The following CLIC2 variants were observed in gnomAD, a reference collection of about 807,000 sequenced individuals.
CLIC2 encodes the protein chloride intracellular channel protein 2.
A neutral mutation model predicts 14.8 loss-of-function variants in CLIC2; 9 were observed. The observed-to-expected ratio is 0.61, with a 90% CI of 0.37 to 1.06. The LOEUF is 1.06. CLIC2 is among the 50% of genes least tolerant of loss of function. The pLI is 0.01. For missense variants in CLIC2, 148 were observed against 181.4 expected, an observed-to-expected ratio of 0.82 and a Z score of 1.06; for synonymous variants, 61 against 66.3, an observed-to-expected ratio of 0.92 and a Z score of 0.39.
rs1304768682 is a variant in CLIC2, at chrX:155,280,986, G to T, written c.294-918C>A. 4.7e-5 allele frequency among the ~76,000 whole-genome samples: 3 copies of T among 64,195 alleles called. 1 individual carries two copies. In the Admixed American group the frequency reaches 5.4e-4, roughly 11 times the overall value. 55.7% of individuals were successfully genotyped at this position (64,195 alleles called of 115,157 possible). On this transcript the variant is annotated intron_variant, in intron 3 of 5. Transcript: ENST00000369449. The stretch of plus-strand genomic sequence containing the variant: ...CAACAGATGAATGGATATAGAAATT[G>T]TGAGATATATATATATATATATATA...
intron 1 of CLIC2, among the ~76,000 whole-genome samples, chrX:155,308,949 CAAAT>C (rs1202359877): frequency 4.6e-4 from 51 of 111,376 alleles, no homozygotes; most frequent in African/African-American, 1.7e-3. Flanking sequence ...AGGTTAATGA[CAAAT>C]AAGTAATCAC....
At chrX:155,293,078 G>C (rs1490131891) in intron 3 of CLIC2, 12 of 618,256 alleles carry the variant, frequency 1.9e-5, no homozygotes, top group Admixed American at 1.3e-4. Flanking sequence ...GCTCTAGACA[G>C]TGACGGTGAT....
chrX:155,332,086 T>G (rs951696614), intron 1 of CLIC2, among the ~76,000 whole-genome samples: 100 of 111,667 alleles, frequency 9.0e-4, no homozygotes, highest in African/African-American at 3.0e-3. Context: ...ATCCCTACAC[T>G]TAGAGAAAAT....
At chrX:155,308,159 A>C (rs2075062206) in intron 1 of CLIC2, among the ~76,000 whole-genome samples, 2 of 110,257 alleles carry the variant, frequency 1.8e-5, no homozygotes, top group Admixed American at 9.7e-5. Flanking sequence ...GAAACTAAAA[A>C]AAAATTGAGA....
At chrX:155,327,300 G>A (rs1415730729) in intron 1 of CLIC2, among the ~76,000 whole-genome samples, 1 of 110,898 alleles carries the variant, frequency 9.0e-6, no homozygotes, top group African/African-American at 3.3e-5. Flanking sequence ...ATGGCAAAAA[G>A]CGCAATTAAT....
At chrX:155,278,389 C>T (rs781920158) in intron 5 of CLIC2, among the ~76,000 whole-genome samples, 2 of 111,668 alleles carry the variant, frequency 1.8e-5, no homozygotes, top group African/African-American at 6.5e-5. Flanking sequence ...TCTTTCTTTA[C>T]ATATTCTCTG....
At chrX:155,305,690 AT>A (rs782725603) in intron 1 of CLIC2, among the ~76,000 whole-genome samples, 319 of 112,061 alleles carry the variant, frequency 2.8e-3, no homozygotes, top group African/African-American at 0.01. Flanking sequence ...ACAGTTTTTA[AT>A]TTTTTTATGA....
intron 3 of CLIC2, among the ~76,000 whole-genome samples, chrX:155,290,170 G>T (rs782048854): frequency 8.9e-6 from 1 of 112,031 alleles, no homozygotes; most frequent in African/African-American, 3.2e-5. Context: ...CTAGCTTTAA[G>T]TCAAAAATAG....
At chrX:155,325,447 T>C (rs189048248) in intron 1 of CLIC2, among the ~76,000 whole-genome samples, 315 of 110,800 alleles carry the variant, frequency 2.8e-3, no homozygotes, top group Middle Eastern at 4.6e-3. Flanking sequence ...AATGAGTTCA[T>C]GTCCTTTGCA....
chrX:155,334,491 CTT>C lies in CLIC2; in HGVS notation c.-66_-65del, dbSNP rs2075167622. 5 of 941,829 alleles carry C rather than the reference CTT, an allele frequency of 5.3e-6. No individual in the cohort carries two copies. Among genetic ancestry groups the C allele is most frequent in the Admixed American group, 4.4e-5 (2 of 45,095 alleles). 77.6% of individuals were successfully genotyped at this position (941,829 alleles called of 1,213,427 possible). ...GTAGAGTCCACAATACTTGTAGACT[CTT>C]TTCTCAATTTTATCCAAAGACTCAA... On this transcript the variant is annotated 5_prime_UTR_variant, in exon 1 of 6. Coordinates refer to ENST00000369449, the MANE Select transcript of CLIC2 (RefSeq NM_001289.6).
chrX:155,286,607 A>G (rs2124157343), intron 3 of CLIC2, among the ~76,000 whole-genome samples: 1 of 112,374 alleles, frequency 8.9e-6, no homozygotes, highest in South Asian at 3.7e-4. Context: ...ACAGTGTATA[A>G]GTGTTTGCTT....
intron 1 of CLIC2, among the ~76,000 whole-genome samples, chrX:155,329,439 G>A (rs1323159748): frequency 3.8e-5 from 4 of 104,971 alleles, no homozygotes; most frequent in Non-Finnish European, 7.9e-5. Flanking sequence ...TGGTGCAAAA[G>A]TAAATGCGGT....
intron 1 of CLIC2, among the ~76,000 whole-genome samples, chrX:155,323,223 C>G (rs1487844793): frequency 2.7e-5 from 3 of 111,464 alleles, no homozygotes; most frequent in African/African-American, 9.8e-5. Context: ...CAGAGACACA[C>G]ACACAAAAAG....
Position 155,334,489 on chromosome X carries a change from C to T in CLIC2, c.-62G>A. 4 of 948,108 alleles carry T rather than the reference C, an allele frequency of 4.2e-6. No homozygotes were observed. The highest frequency in any genetic ancestry group is 6.1e-6 in the Non-Finnish European group (4 of 655,965). 78.1% of individuals were successfully genotyped at this position (948,108 alleles called of 1,213,427 possible). ...CTGTAGAGTCCACAATACTTGTAGACTCTTTTCTCAATTTTATCCAAAGAC... is the reference window on the plus strand; with the variant it reads ...CTGTAGAGTCCACAATACTTGTAGATTCTTTTCTCAATTTTATCCAAAGAC... On this transcript the variant is annotated 5_prime_UTR_variant, in exon 1 of 6. Transcript: ENST00000369449.
At chrX:155,307,323 G>A (rs1327559766) in intron 1 of CLIC2, among the ~76,000 whole-genome samples, 1 of 110,723 alleles carries the variant, frequency 9.0e-6, no homozygotes, top group Non-Finnish European at 1.9e-5. Flanking sequence ...GAATGGGCAC[G>A]AAGAGGGCAT....
rs1311210426 is a variant in CLIC2, at chrX:155,334,288, T to C, written c.57+83A>G. ...CATTCTTTCCTATCTCTAGCCCAAA[T>C]GTGGAGAATTTTTAAAGACATTGGA... is the stretch of plus-strand genomic sequence containing the variant. On this transcript the variant is annotated intron_variant, in intron 1 of 5. Transcript: ENST00000369449. 1.4e-5 allele frequency: 11 copies of C among 761,215 alleles called. No homozygotes were observed. The East Asian group carries it at 3.2e-4, about 22-fold the overall frequency. The allele number at this position is 761,215 out of a possible 1,213,427, so 62.7% of individuals were successfully genotyped here.
chrX:155,297,860 C>CA (rs200891873), intron 3 of CLIC2, among the ~76,000 whole-genome samples: 77 of 5,105 alleles, frequency 0.015, 8 homozygotes, highest in East Asian at 0.025. Flanking sequence ...ACTCCGGTCT[C>CA]AAAAAAAAAA....
At chrX:155,304,759 G>A (rs373818660) in intron 1 of CLIC2, among the ~76,000 whole-genome samples, 1 of 82,586 alleles carries the variant, frequency 1.2e-5, no homozygotes, top group Non-Finnish European at 2.6e-5. Context: ...TGGGTTTTTG[G>A]TGTGGATGTC....
intron 1 of CLIC2, among the ~76,000 whole-genome samples, chrX:155,330,784 C>T (rs1047131685): frequency 3.6e-5 from 4 of 109,994 alleles, no homozygotes; most frequent in African/African-American, 9.9e-5. Context: ...GACTAAGATC[C>T]CTGGAGGAGG....
Sources: allele counts gnomAD v4.1 joint callset (sites outside exome capture counted in the v4.1 genomes callset), GRCh38; gene constraint gnomAD v4.1.1; transcripts MANE v1.5; gene names NCBI Gene and HGNC (gene_info 2026-07-23, HGNC 2026-07-21).